The following PKNOX2 variants were observed in gnomAD, a reference collection of about 807,000 sequenced individuals.
PKNOX2 encodes the protein PBX/knotted 1 homeobox 2.
Under a neutral mutation model 53.1 loss-of-function variants are expected in PKNOX2, and 14 were observed. The observed-to-expected ratio is 0.26, with a 90% CI of 0.17 to 0.41. The LOEUF (loss-of-function observed/expected upper bound fraction) is 0.41. Among genes scored for constraint, PKNOX2 ranks in the 10% least tolerant of loss-of-function variants. The probability of loss-of-function intolerance (pLI) is 1.00; values close to 1 mark genes in which losing one functional copy is unlikely to be tolerated. For missense variants in PKNOX2, 496 were observed against 602.8 expected (o/e 0.82, Z 1.85); for synonymous variants, 257 against 242.8 (o/e 1.06, Z -0.54).
chr11:125,215,495 C>T lies in PKNOX2; in HGVS notation c.-200-19550C>T, dbSNP rs143895385. On this transcript the variant is annotated intron_variant, in intron 1 of 12. Coordinates refer to ENST00000298282, the MANE Select transcript of PKNOX2 (RefSeq NM_001382323.2). Reference sequence around the variant, plus strand: ...TGCTGGGCGCGGTGGCTCATGCCTGCAATCTCAGCACTTTGGGAGGCTGAA... The same window carrying T: ...TGCTGGGCGCGGTGGCTCATGCCTGTAATCTCAGCACTTTGGGAGGCTGAA... 9.4e-3 allele frequency among the ~76,000 whole-genome samples: 1,431 copies of T among 152,082 alleles called. 29 individuals are homozygous for T. The highest frequency in any genetic ancestry group is 0.033 in the African/African-American group (1,355 of 41,496).
intron 1 of PKNOX2, among the ~76,000 whole-genome samples, chr11:125,179,086 A>C (rs1955999427): frequency 1.3e-5 from 2 of 152,084 alleles, no homozygotes; most frequent in Non-Finnish European, 2.9e-5. Flanking sequence ...TGTTTGTCCC[A>C]CCGTGTGTCC....
chr11:125,374,543 G>A (rs1452940642), intron 5 of PKNOX2, among the ~76,000 whole-genome samples: 2 of 152,174 alleles, frequency 1.3e-5, no homozygotes, highest in African/African-American at 4.8e-5. Flanking sequence ...CCTTTCTATG[G>A]CATCATAAGG....
Position 125,352,479 on chromosome 11 carries a change from G to A in PKNOX2, c.87+1087G>A, listed in dbSNP as rs1159365495. 6.6e-6 allele frequency among the ~76,000 whole-genome samples: 1 copy of A among 152,140 alleles called. No individual in the cohort carries two copies. The highest frequency in any genetic ancestry group is 1.5e-5 in the Non-Finnish European group (1 of 68,028). ...TTTTCAAACACAGTGGTTCTCATGG[G>A]CCACACGGAAGATTTGTGCAGCATG... is the stretch of plus-strand genomic sequence containing the variant. On this transcript the variant is annotated intron_variant, in intron 4 of 12. Coordinates refer to ENST00000298282, the MANE Select transcript of PKNOX2 (RefSeq NM_001382323.2). The surrounding 1 kb of genome is among the most constrained non-coding windows in gnomAD (Gnocchi z 4.1).
At chr11:125,249,047 T>C (rs1217331225) in intron 2 of PKNOX2, among the ~76,000 whole-genome samples, 1 of 125,690 alleles carries the variant, frequency 8.0e-6, no homozygotes, top group Non-Finnish European at 1.8e-5. Context: ...ATAACCTATA[T>C]ATTATATATA....
intron 2 of PKNOX2, among the ~76,000 whole-genome samples, chr11:125,278,864 G>T (rs1373020128): frequency 6.6e-6 from 1 of 152,230 alleles, no homozygotes; most frequent in Non-Finnish European, 1.5e-5. Context: ...TCAGGTCAAT[G>T]AGTGGGATTA....
intron 2 of PKNOX2, among the ~76,000 whole-genome samples, chr11:125,261,135 C>T (rs1003691105): frequency 2.0e-5 from 3 of 152,116 alleles, no homozygotes; most frequent in Admixed American, 6.5e-5. Context: ...AGTTCCAAAG[C>T]GATTTGGATC....
At chr11:125,293,678 C>T (rs891259867) in intron 2 of PKNOX2, among the ~76,000 whole-genome samples, 12 of 152,154 alleles carry the variant, frequency 7.9e-5, no homozygotes, top group Admixed American at 2.6e-4. Flanking sequence ...AATCAGGCCG[C>T]GTTGATGATC....
Position 125,374,650 on chromosome 11 carries a change from C to G in PKNOX2, c.227+6665C>G, listed in dbSNP as rs989069827. ...GCAGGTGTGCTCAGGAGTGGTTGGT[C>G]GTGCTGCTTCCACGGCTCACCTCCC... On this transcript the variant is annotated intron_variant, in intron 5 of 12. Transcript: ENST00000298282. Among the ~76,000 whole-genome samples, 39 of 152,114 alleles carry G rather than the reference C, an allele frequency of 2.6e-4. 1 individual carries two copies. Among genetic ancestry groups the G allele is most frequent in the African/African-American group, 8.4e-4 (35 of 41,424 alleles).
chr11:125,371,775 A>T (rs116634283), intron 5 of PKNOX2, among the ~76,000 whole-genome samples: 100 of 152,218 alleles, frequency 6.6e-4, no homozygotes, highest in African/African-American at 2.2e-3. Context: ...ATTACTGATA[A>T]GGAAAAGCTG....
chr11:125,297,978 G>C (rs939647887), intron 2 of PKNOX2, among the ~76,000 whole-genome samples: 2 of 152,102 alleles, frequency 1.3e-5, no homozygotes, highest in Non-Finnish European at 2.9e-5. Flanking sequence ...GACATCCTGG[G>C]ACCTGTCATA....
intron 2 of PKNOX2, among the ~76,000 whole-genome samples, chr11:125,302,472 G>A (rs985975488): frequency 1.3e-5 from 2 of 152,158 alleles, no homozygotes; most frequent in African/African-American, 4.8e-5. Flanking sequence ...GCCTTTAGCC[G>A]GCTGGCCCAG....
rs1294730980 is a variant in PKNOX2 at position 125,378,867 on chromosome 11, G to A, written c.228-6684G>A. Among the ~76,000 whole-genome samples, 3 of 152,038 alleles carry A rather than the reference G, an allele frequency of 2.0e-5. No individual in the cohort carries two copies. In the East Asian group the frequency reaches 5.8e-4, roughly 29 times the overall value. On this transcript the variant is annotated intron_variant, in intron 5 of 12. Coordinates refer to ENST00000298282, the MANE Select transcript of PKNOX2 (RefSeq NM_001382323.2). ...CATATCCACTCTCTGGCTCCCTTGT[G>A]TTTTGCATCTTCGCCTCTCTGAAGC...
At chr11:125,430,617 A>T (rs1435546800) in intron 12 of PKNOX2, among the ~76,000 whole-genome samples, 5 of 152,224 alleles carry the variant, frequency 3.3e-5, no homozygotes, top group Non-Finnish European at 5.9e-5. Context: ...CAAGCATTTT[A>T]TAGCTTGGCA....
intron 4 of PKNOX2, among the ~76,000 whole-genome samples, chr11:125,364,780 T>C (rs889166704): frequency 6.6e-6 from 1 of 152,210 alleles, no homozygotes; most frequent in Non-Finnish European, 1.5e-5. Flanking sequence ...AATTCGAGCC[T>C]CACACCAGCG....
intron 1 of PKNOX2, among the ~76,000 whole-genome samples, chr11:125,227,290 G>T (rs944999134): frequency 2.6e-5 from 4 of 152,054 alleles, no homozygotes; most frequent in African/African-American, 7.3e-5. Context: ...TCGCATTGTT[G>T]TGCAACCATC....
intron 2 of PKNOX2, among the ~76,000 whole-genome samples, chr11:125,293,057 T>C (rs1199311102): frequency 2.6e-5 from 4 of 152,178 alleles, no homozygotes; most frequent in African/African-American, 4.8e-5. Flanking sequence ...CTGCCATTTA[T>C]GTCAAAACCA....
At chr11:125,276,249 AATGGAAG>A (rs1209128494) in intron 2 of PKNOX2, among the ~76,000 whole-genome samples, 2 of 152,056 alleles carry the variant, frequency 1.3e-5, no homozygotes, top group African/African-American at 4.8e-5. Context: ...TTGAGGAGAG[AATGGAAG>A]ATGGGAAAGG....
chr11:125,209,507 G>A (rs1939565507), intron 1 of PKNOX2, among the ~76,000 whole-genome samples: 1 of 151,990 alleles, frequency 6.6e-6, no homozygotes, highest in African/African-American at 2.4e-5. Context: ...TGCTTTTGGG[G>A]TAGTAGGAAA....
intron 2 of PKNOX2, among the ~76,000 whole-genome samples, chr11:125,305,159 T>C (rs1228152849): frequency 2.0e-5 from 3 of 152,132 alleles, no homozygotes; most frequent in Admixed American, 2.0e-4. Flanking sequence ...ATGATCTGGG[T>C]GGGCAGTAGA....
Sources: gnomAD v4.1 joint callset for allele counts (sites outside exome capture counted in the v4.1 genomes callset) on GRCh38, gnomAD v4.1.1 for gene constraint, Gnocchi (gnomAD v3.1) non-coding constraint, MANE v1.5 for transcripts, NCBI Gene and HGNC (gene_info 2026-07-23, HGNC 2026-07-21) for gene names.